The following GADL1 variants were observed in gnomAD, a reference collection of about 807,000 sequenced individuals.
GADL1 encodes acidic amino acid decarboxylase GADL1.
In GADL1, 71 loss-of-function variants were observed where a neutral mutation model predicts 69.5. The ratio of observed to expected loss-of-function variants is 1.02; its 90% CI spans 0.84 to 1.25. The LOEUF (loss-of-function observed/expected upper bound fraction) is 1.25, where lower values mean the gene tolerates loss of function less well. GADL1 is among the 50% of genes most tolerant of loss of function. The pLI is 0.00. For missense variants in GADL1, 737 were observed against 631.8 expected, an observed-to-expected ratio of 1.17 and a Z score of -1.79; for synonymous variants, 254 against 214.4, an observed-to-expected ratio of 1.18 and a Z score of -1.62.
At chr3:30,863,092 C>T (rs2125537611) in intron 1 of GADL1, among the ~76,000 whole-genome samples, 1 of 151,794 alleles carries the variant, frequency 6.6e-6, no homozygotes, top group Middle Eastern at 3.4e-3. Context: ...CTCTCTCTCT[C>T]GTAATTTGTC....
intron 2 of GADL1, among the ~76,000 whole-genome samples, chr3:30,858,534 T>C (rs1485102625): frequency 2.0e-5 from 3 of 151,936 alleles, no homozygotes; most frequent in Non-Finnish European, 2.9e-5. Flanking sequence ...GGAAATCAGT[T>C]AGATTTTGAG....
chr3:30,849,923 G>T, intron 6 of GADL1, 73 bp downstream of exon 6: 1 of 858,456 alleles, frequency 1.2e-6, no homozygotes. Flanking sequence ...ATCACATCAG[G>T]AATCTTCAAA....
intron 14 of GADL1, among the ~76,000 whole-genome samples, chr3:30,753,732 T>G (rs1053490090): frequency 3.3e-5 from 5 of 150,996 alleles, no homozygotes; most frequent in Admixed American, 3.3e-4. Flanking sequence ...GTACAATAAA[T>G]GAAAACTTAA....
At chr3:30,769,548 T>A (rs1443404292) in intron 14 of GADL1, among the ~76,000 whole-genome samples, 1 of 56,148 alleles carries the variant, frequency 1.8e-5, no homozygotes, top group Non-Finnish European at 3.3e-5. Flanking sequence ...GGTCTAATCA[T>A]GGGCCAGCTT....
intron 9 of GADL1, among the ~76,000 whole-genome samples, chr3:30,835,060 A>G (rs1559356243): frequency 6.6e-6 from 1 of 152,104 alleles, no homozygotes; most frequent in Admixed American, 6.6e-5. Context: ...ATGCTTTCCA[A>G]GTTGATTTAA....
At chr3:30,890,500 G>A (rs1698772759) in intron 1 of GADL1, among the ~76,000 whole-genome samples, 1 of 152,134 alleles carries the variant, frequency 6.6e-6, no homozygotes, top group Non-Finnish European at 1.5e-5. Flanking sequence ...AAACATCTGT[G>A]GTGGTAACTC....
intron 1 of GADL1, among the ~76,000 whole-genome samples, chr3:30,868,866 G>T (rs1443362471): frequency 6.6e-6 from 1 of 151,860 alleles, no homozygotes; most frequent in Non-Finnish European, 1.5e-5. Context: ...AATCAAAAGT[G>T]AATCCAGACA....
intron 11 of GADL1, among the ~76,000 whole-genome samples, chr3:30,808,291 T>C (rs763902365): frequency 3.7e-4 from 56 of 151,658 alleles, no homozygotes; most frequent in Non-Finnish European, 7.4e-4. Context: ...AGGTCAGGAG[T>C]TGGAGACCAG....
chr3:30,734,912 C>G (rs1695519064), intron 14 of GADL1, among the ~76,000 whole-genome samples: 1 of 152,166 alleles, frequency 6.6e-6, no homozygotes, highest in Non-Finnish European at 1.5e-5. Flanking sequence ...CAGACAAGTA[C>G]TTTAGCACCT....
At chr3:30,844,942 A>T (rs1265874873) in intron 6 of GADL1, among the ~76,000 whole-genome samples, 3 of 152,118 alleles carry the variant, frequency 2.0e-5, no homozygotes, top group Admixed American at 6.5e-5. Context: ...GAAACTTAGA[A>T]TCTAGTCCAC....
rs1176648392 is a variant in GADL1, at chr3:30,816,546, T to C, written c.1051-15458A>G. Among the ~76,000 whole-genome samples the C allele has an allele frequency of 1.4e-3, 106 of 73,944 alleles. 4 individuals are homozygous for C. The highest frequency in any genetic ancestry group is 5.1e-3 in the African/African-American group (91 of 17,934). 48.5% of individuals were successfully genotyped at this position (73,944 alleles called of 152,430 possible). ...ATTTGTTTTCTTTTTTTTTTTTTTT[T>C]TTTTTTTTTTTTTTTTTTTTGAGAC... is the stretch of plus-strand genomic sequence containing the variant. On this transcript the variant is annotated intron_variant, in intron 11 of 14. Transcript: ENST00000282538.
At chr3:30,857,473 GAT>G (rs1032778624) in intron 2 of GADL1, among the ~76,000 whole-genome samples, 1 of 151,904 alleles carries the variant, frequency 6.6e-6, no homozygotes, top group Non-Finnish European at 1.5e-5. Context: ...AATTAAAAAA[GAT>G]AAAAAATTCG....
At chr3:30,786,486 T>A (rs1241647442) in intron 12 of GADL1, 80 bp from the exon 13 acceptor site, 1 of 769,790 alleles carries the variant, frequency 1.3e-6, no homozygotes, top group Admixed American at 1.9e-5. Flanking sequence ...CAAAACTGAT[T>A]CAGACAGGGC....
intron 14 of GADL1, among the ~76,000 whole-genome samples, chr3:30,747,815 A>T (rs533655060): frequency 2.6e-5 from 4 of 152,196 alleles, no homozygotes; most frequent in African/African-American, 9.6e-5. Context: ...TCCAGCTCTT[A>T]TCAGGATTGT....
chr3:30,873,066 A>C (rs1195944059), intron 1 of GADL1, among the ~76,000 whole-genome samples: 1 of 151,908 alleles, frequency 6.6e-6, no homozygotes. Context: ...AGTCATAGCA[A>C]AAAGAGTCCA....
rs144847236 is a variant in GADL1, at chr3:30,778,535, C to T, written c.1303-267G>A. On this transcript the variant is annotated intron_variant, in intron 13 of 14. Coordinates refer to ENST00000282538, the MANE Select transcript of GADL1 (RefSeq NM_207359.3). The stretch of plus-strand genomic sequence containing the variant: ...AAAACAGTAAAGTTTGAAGCTGACT[C>T]AACCCAGCTCTGATCGTCAGTTAGT... Among the ~76,000 whole-genome samples the T allele has an allele frequency of 3.9e-4, 59 of 152,280 alleles. No homozygotes were observed. In the Middle Eastern group the frequency reaches 0.017, roughly 44 times the overall value.
intron 8 of GADL1, among the ~76,000 whole-genome samples, chr3:30,841,175 C>CA (rs1202807483): frequency 6.6e-6 from 1 of 152,150 alleles, no homozygotes; most frequent in Non-Finnish European, 1.5e-5. Context: ...ATGAACCAGT[C>CA]ATCATGTATT....
chr3:30,811,495 C>G (rs1293736621), intron 11 of GADL1, among the ~76,000 whole-genome samples: 1 of 152,130 alleles, frequency 6.6e-6, no homozygotes, highest in Non-Finnish European at 1.5e-5. Flanking sequence ...ATCCACACAC[C>G]TTCTCTATTA....
At chr3:30,868,367 G>A (rs1036769509) in intron 1 of GADL1, among the ~76,000 whole-genome samples, 3 of 151,984 alleles carry the variant, frequency 2.0e-5, no homozygotes, top group African/African-American at 4.8e-5. Context: ...TCAACATGGT[G>A]AACTCATATT....
Sources: allele counts gnomAD v4.1 joint callset (sites outside exome capture counted in the v4.1 genomes callset), GRCh38; gene constraint gnomAD v4.1.1; transcripts MANE v1.5; gene names NCBI Gene and HGNC (gene_info 2026-07-23, HGNC 2026-07-21).